The following MYO5A variants were observed in gnomAD, a reference collection of about 807,000 sequenced individuals.
The protein encoded by MYO5A is unconventional myosin-Va.
Under a neutral mutation model 249.7 loss-of-function variants are expected in MYO5A, and 98 were observed. That is an observed-to-expected ratio of 0.39 (90% confidence interval 0.33 to 0.46). The LOEUF (loss-of-function observed/expected upper bound fraction) is 0.46. Among genes scored for constraint, MYO5A ranks in the 20% least tolerant of loss-of-function variants. MYO5A has a pLI of 0.98. For synonymous variants in MYO5A, 778 were observed against 810.6 expected (o/e 0.96, Z 0.68); for missense variants, 1,696 against 2,308.8 (o/e 0.73, Z 5.44).
At chr15:52,406,939 T>C (rs958136844) in intron 8 of MYO5A, among the ~76,000 whole-genome samples, 6 of 152,170 alleles carry the variant, frequency 3.9e-5, no homozygotes, top group Non-Finnish European at 7.3e-5. Flanking sequence ...AGGTTTCAGA[T>C]TTTGTAAAAA....
chr15:52,333,316 A>G (rs1182878241), intron 34 of MYO5A, among the ~76,000 whole-genome samples: 3 of 152,224 alleles, frequency 2.0e-5, no homozygotes, highest in Admixed American at 2.0e-4. Flanking sequence ...CAAAAAGGAA[A>G]GAAAATTGGA....
chr15:52,502,155 C>T (rs1013872899), intron 1 of MYO5A, among the ~76,000 whole-genome samples: 11 of 152,228 alleles, frequency 7.2e-5, no homozygotes, highest in African/African-American at 2.4e-4. Flanking sequence ...TGGCGGCACA[C>T]ACCTGTAATC....
Position 52,309,387 on chromosome 15 carries a change from G to A in MYO5A, c.*4309C>T, listed in dbSNP as rs2037710268. On this transcript the variant is annotated 3_prime_UTR_variant, in exon 42 of 42. Transcript: ENST00000399233. ...TAACTTGGTACGCAGCACTTGCTCG[G>A]TTCCCACATGCCAGCTGCCAACTCT... The A allele has an allele frequency of 6.6e-6, 1 of 152,224 alleles. No individual in the cohort carries two copies. Among genetic ancestry groups the A allele is most frequent in the Admixed American group, 6.5e-5 (1 of 15,284 alleles). The allele number at this position is 152,224 out of a possible 1,614,324, so 9.4% of individuals were successfully genotyped here.
At chr15:52,318,858 C>CA (rs1477930980) in intron 39 of MYO5A, among the ~76,000 whole-genome samples, 1 of 152,172 alleles carries the variant, frequency 6.6e-6, no homozygotes, top group Non-Finnish European at 1.5e-5. Flanking sequence ...TGGCAGGGTA[C>CA]AGACAGGGAG....
intron 29 of MYO5A, among the ~76,000 whole-genome samples, chr15:52,347,286 T>G (rs922269340): frequency 6.6e-6 from 1 of 152,092 alleles, no homozygotes; most frequent in African/African-American, 2.4e-5. Context: ...GTTCCACACA[T>G]GGAACTATGT....
At chr15:52,524,585 AT>A (rs2077694545) in intron 1 of MYO5A, among the ~76,000 whole-genome samples, 1 of 151,616 alleles carries the variant, frequency 6.6e-6, no homozygotes, top group Non-Finnish European at 1.5e-5. Context: ...AAATAAATAA[AT>A]AAATAAAATA....
At chr15:52,487,370 C>T (rs1407651275) in intron 1 of MYO5A, among the ~76,000 whole-genome samples, 3 of 151,888 alleles carry the variant, frequency 2.0e-5, no homozygotes, top group African/African-American at 7.3e-5. Context: ...GAGCCATGAT[C>T]ACACCACTGA....
At chr15:52,449,180 G>C (rs180946878) in intron 1 of MYO5A, among the ~76,000 whole-genome samples, 1 of 151,974 alleles carries the variant, frequency 6.6e-6, no homozygotes, top group East Asian at 1.9e-4. Context: ...TGTTGGCCAG[G>C]CTGGTCTTGA....
At chr15:52,468,169 G>C (rs1190159255) in intron 1 of MYO5A, among the ~76,000 whole-genome samples, 3 of 152,240 alleles carry the variant, frequency 2.0e-5, no homozygotes, top group African/African-American at 7.2e-5. Flanking sequence ...GGGCAATACA[G>C]TGAGACCTCA....
intron 4 of MYO5A, among the ~76,000 whole-genome samples, chr15:52,418,442 C>T (rs1392824497): frequency 1.3e-5 from 2 of 151,962 alleles, no homozygotes; most frequent in Non-Finnish European, 2.9e-5. Context: ...CTAGAAAGGA[C>T]ACAATTAAAA....
chr15:52,418,234 T>C (rs113318673), intron 4 of MYO5A, among the ~76,000 whole-genome samples: 18 of 152,196 alleles, frequency 1.2e-4, no homozygotes, highest in Non-Finnish European at 1.9e-4. Flanking sequence ...ACAATAATCC[T>C]AAATAGGCTG....
At chr15:52,453,997 T>C (rs979930133) in intron 1 of MYO5A, among the ~76,000 whole-genome samples, 1 of 151,972 alleles carries the variant, frequency 6.6e-6, no homozygotes. Flanking sequence ...AAAATGACAG[T>C]AGAAAGTACT....
intron 1 of MYO5A, among the ~76,000 whole-genome samples, chr15:52,501,209 G>C (rs1431399992): frequency 2.0e-5 from 3 of 151,968 alleles, no homozygotes; most frequent in Admixed American, 2.0e-4. Context: ...CTGACCTCAT[G>C]ATCCACCCGC....
chr15:52,427,671 T>C (rs375698929), intron 3 of MYO5A, among the ~76,000 whole-genome samples: 43 of 152,276 alleles, frequency 2.8e-4, no homozygotes, highest in African/African-American at 9.9e-4. Flanking sequence ...TCATGAGCAC[T>C]GAGTTGGATA....
intron 9 of MYO5A, among the ~76,000 whole-genome samples, chr15:52,401,478 C>T (rs959147097): frequency 3.9e-5 from 6 of 152,222 alleles, no homozygotes; most frequent in African/African-American, 1.4e-4. Flanking sequence ...TCTAAGCACA[C>T]TGAAGATATT....
intron 1 of MYO5A, among the ~76,000 whole-genome samples, chr15:52,503,844 T>C (rs2077206513): frequency 1.3e-5 from 2 of 152,144 alleles, no homozygotes; most frequent in Admixed American, 1.3e-4. Flanking sequence ...ACTTTAACTT[T>C]CCATACCAAA....
rs866973592 is a variant in MYO5A at position 52,351,426 on chromosome 15, C to T, written c.3677G>A (p.Arg1226His). Residue 1226 changes from arginine to histidine, a missense_variant, in exon 28 of 42, where the codon CGC (arginine) becomes CAC (histidine). This residue lies in a region of MYO5A where 625 missense variants were observed against 908.1 expected (regional missense o/e 0.69). Transcript: ENST00000399233. The part of the protein sequence containing the change: ...KKLKNELNEL[R>H]KALSEKSAPE... ...GGCACTTTTCTCACTGAGGGCCTTGCGCAACTCATTTAGCTCATTCTTCAG... is the reference window on the plus strand; with the variant it reads ...GGCACTTTTCTCACTGAGGGCCTTGTGCAACTCATTTAGCTCATTCTTCAG... The T allele has an allele frequency of 9.3e-6, 15 of 1,614,048 alleles. No individual in the cohort carries two copies. Among genetic ancestry groups the T allele is most frequent in the Admixed American group, 3.3e-5 (2 of 60,000 alleles).
At chr15:52,425,429 G>A (rs746415311) in intron 4 of MYO5A, among the ~76,000 whole-genome samples, 3 of 149,874 alleles carry the variant, frequency 2.0e-5, no homozygotes, top group East Asian at 1.9e-4. Context: ...GCACAATCTC[G>A]GCTCACTGCA....
chr15:52,456,726 A>G (rs1232181737), intron 1 of MYO5A, among the ~76,000 whole-genome samples: 1 of 152,216 alleles, frequency 6.6e-6, no homozygotes, highest in Non-Finnish European at 1.5e-5. Flanking sequence ...TGGGAAGGAC[A>G]GTCACCTCAA....
Sources: gnomAD v4.1 joint callset for allele counts (sites outside exome capture counted in the v4.1 genomes callset) on GRCh38, gnomAD v4.1.1 for gene constraint, gnomAD v4.1.1 regional missense constraint, MANE v1.5 for transcripts, NCBI Gene and HGNC (gene_info 2026-07-23, HGNC 2026-07-21) for gene names.